Variants in GALNT2 observed in about 807,000 individuals in gnomAD.
GALNT2 encodes UDP-GalNAc:polypeptide N-acetylgalactosaminyltransferase 2.
A neutral mutation model predicts 81.4 loss-of-function variants in GALNT2; 31 were observed. The observed-to-expected ratio is 0.38, with a 90% confidence interval of 0.29 to 0.51. GALNT2 has a LOEUF of 0.51. Among genes scored for constraint, GALNT2 ranks in the 20% least tolerant of loss-of-function variants. GALNT2 has a pLI of 0.87. For missense variants in GALNT2, 629 were observed against 765.7 expected, an observed-to-expected ratio of 0.82 and a Z score of 2.11; for synonymous variants, 303 against 287.4, an observed-to-expected ratio of 1.05 and a Z score of -0.55.
chr1:230,218,498 C>T (rs1213158289), intron 3 of GALNT2, among the ~76,000 whole-genome samples: 3 of 152,142 alleles, frequency 2.0e-5, no homozygotes, highest in Admixed American at 2.0e-4. Flanking sequence ...TGGGTTAACA[C>T]CTGTAAGTGA....
At chr1:230,108,335 G>A (rs1048563718) in intron 1 of GALNT2, among the ~76,000 whole-genome samples, 1 of 152,194 alleles carries the variant, frequency 6.6e-6, no homozygotes, top group Non-Finnish European at 1.5e-5. Context: ...TCAACTTTAC[G>A]ATGGTGTGAA....
intron 2 of GALNT2, among the ~76,000 whole-genome samples, chr1:230,195,144 G>A (rs908748704): frequency 6.6e-6 from 1 of 152,262 alleles, no homozygotes; most frequent in Non-Finnish European, 1.5e-5. Flanking sequence ...CCGGACCAAG[G>A]TCAAGACAGG....
intron 1 of GALNT2, 33 bp from the exon 2 acceptor site, chr1:230,178,185 A>T (rs1253661012): frequency 1.3e-6 from 2 of 1,537,932 alleles, no homozygotes; most frequent in East Asian, 2.2e-5. Flanking sequence ...CTTGAAGAAC[A>T]AGTCAACTCA....
At chr1:230,146,093 GGCTAAAAATAA>G (rs1661907162) in intron 1 of GALNT2, among the ~76,000 whole-genome samples, 1 of 152,112 alleles carries the variant, frequency 6.6e-6, no homozygotes, top group Admixed American at 6.5e-5. Flanking sequence ...TTTTTGGCTT[GGCTAAAAATAA>G]GCACTTTTCC....
chr1:230,219,491 C>G (rs1345018391), intron 3 of GALNT2, among the ~76,000 whole-genome samples: 2 of 151,962 alleles, frequency 1.3e-5, no homozygotes, highest in Non-Finnish European at 2.9e-5. Flanking sequence ...TGGTCCAGTC[C>G]CTTGTCCTCC....
intron 10 of GALNT2, among the ~76,000 whole-genome samples, chr1:230,252,878 C>T (rs1424773038): frequency 9.9e-6 from 1 of 100,776 alleles, no homozygotes; most frequent in African/African-American, 4.1e-5. Flanking sequence ...GATGGAGTCT[C>T]GCTCTGTCAC....
chr1:230,082,709 A>G (rs182611672), intron 1 of GALNT2, among the ~76,000 whole-genome samples: 43 of 152,386 alleles, frequency 2.8e-4, no homozygotes, highest in African/African-American at 9.9e-4. Flanking sequence ...AGTCATATGC[A>G]TGGAACATAC....
At chr1:230,242,689 C>T (rs1479783217) in intron 6 of GALNT2, among the ~76,000 whole-genome samples, 1 of 152,092 alleles carries the variant, frequency 6.6e-6, no homozygotes, top group African/African-American at 2.4e-5. Context: ...CCACCACCCA[C>T]GGCTGATTTT....
At chr1:230,180,103 G>C (rs865902995) in intron 2 of GALNT2, among the ~76,000 whole-genome samples, 2 of 152,108 alleles carry the variant, frequency 1.3e-5, no homozygotes, top group South Asian at 4.1e-4. Flanking sequence ...ATTTTTAGTA[G>C]AGACAGCGTT....
intron 1 of GALNT2, among the ~76,000 whole-genome samples, chr1:230,072,625 G>A (rs2883025): frequency 0.9 from 137,692 of 152,266 alleles, 62,356 homozygotes; most frequent in African/African-American, 0.94. Flanking sequence ...ATGCTGAGCC[G>A]TACAAGTCAG....
At chr1:230,241,934 A>T (rs1049839898) in intron 6 of GALNT2, among the ~76,000 whole-genome samples, 2 of 152,168 alleles carry the variant, frequency 1.3e-5, no homozygotes, top group Non-Finnish European at 2.9e-5. Flanking sequence ...CTGCCTTCTT[A>T]ACTGTTGCTT....
intron 2 of GALNT2, among the ~76,000 whole-genome samples, chr1:230,183,445 GTCTTAAAAAAAAATTAGTTGGT>G: frequency 6.6e-6 from 1 of 151,254 alleles, no homozygotes; most frequent in South Asian, 2.1e-4. Flanking sequence ...TCTATTATGT[GTCTTAAAAAAAAATTAGTTGGT>G]CTTCTTTCAG....
At chr1:230,068,060 C>G (rs990905222) in intron 1 of GALNT2, among the ~76,000 whole-genome samples, 2 of 152,238 alleles carry the variant, frequency 1.3e-5, no homozygotes, top group African/African-American at 4.8e-5. Flanking sequence ...CCCAGCGTTA[C>G]CCTCTGCCCA....
chr1:230,235,213 CAAA>C (rs10532058), intron 3 of GALNT2, among the ~76,000 whole-genome samples: 19,812 of 76,578 alleles, frequency 0.26, 1,499 homozygotes, highest in African/African-American at 0.37. Flanking sequence ...GACCCTGTCT[CAAA>C]AAAAAAAAAA....
chr1:230,182,673 T>C (rs1386460752), intron 2 of GALNT2, among the ~76,000 whole-genome samples: 1 of 152,222 alleles, frequency 6.6e-6, no homozygotes, highest in Non-Finnish European at 1.5e-5. Flanking sequence ...TGGTGAATGT[T>C]CCATGTGAGT....
rs60960040 is a variant in GALNT2 at position 230,134,976 on chromosome 1, T to C, written c.127-43242T>C. Among the ~76,000 whole-genome samples the C allele has an allele frequency of 1.5e-3, 226 of 152,346 alleles. 1 individual carries two copies. Among genetic ancestry groups the C allele is most frequent in the African/African-American group, 5.2e-3 (218 of 41,582 alleles). ...AAAAACCTATTTGGCCTGCCTGTTG[T>C]GAGGCTTAAATGAGAGGAAGTATCT... is the stretch of plus-strand genomic sequence containing the variant. On this transcript the variant is annotated intron_variant, in intron 1 of 15. Coordinates refer to ENST00000366672, the MANE Select transcript of GALNT2 (RefSeq NM_004481.5).
intron 1 of GALNT2, among the ~76,000 whole-genome samples, chr1:230,084,541 T>A (rs147050909): frequency 5.7e-4 from 87 of 151,970 alleles, no homozygotes; most frequent in African/African-American, 2.1e-3. Flanking sequence ...TGGCACTTCC[T>A]GTGTCTGGCT....
chr1:230,069,390 T>G (rs1358351133), intron 1 of GALNT2, among the ~76,000 whole-genome samples: 1 of 152,128 alleles, frequency 6.6e-6, no homozygotes, highest in Non-Finnish European at 1.5e-5. Context: ...GATTGGTGAT[T>G]TGGGATTCTA....
intron 2 of GALNT2, among the ~76,000 whole-genome samples, chr1:230,199,798 G>A (rs1663828270): frequency 6.6e-6 from 1 of 152,196 alleles, no homozygotes; most frequent in Non-Finnish European, 1.5e-5. Flanking sequence ...GGAGGCGGCA[G>A]GGCAGGGTAC....
Sources: allele counts gnomAD v4.1 joint callset (sites outside exome capture counted in the v4.1 genomes callset), GRCh38; gene constraint gnomAD v4.1.1; transcripts MANE v1.5; gene names NCBI Gene and HGNC (gene_info 2026-07-23, HGNC 2026-07-21).